The following NUDCD2 variants were observed in gnomAD, a reference collection of about 807,000 sequenced individuals.
The protein encoded by NUDCD2 is nudC domain-containing protein 2.
NUDCD2 carries 16 observed loss-of-function variants against 20.8 expected under a neutral mutation model. That is an observed-to-expected ratio of 0.77 (90% CI 0.52 to 1.17). NUDCD2 has a LOEUF of 1.17. Among genes scored for constraint, NUDCD2 ranks in the 50% most tolerant of loss-of-function variants. NUDCD2 has a pLI of 0.00. For synonymous variants in NUDCD2, 87 were observed against 72.8 expected, an observed-to-expected ratio of 1.20 and a Z score of -1.00; for missense variants, 199 against 193.9, an observed-to-expected ratio of 1.03 and a Z score of -0.16.
At position 163,448,023 on chromosome 5, in the gene NUDCD2, TG is replaced by T. The variant is rs1758082347; in HGVS notation, c.*5943del. On this transcript the variant is annotated 3_prime_UTR_variant, in exon 4 of 4. Coordinates refer to ENST00000302764, the MANE Select transcript of NUDCD2 (RefSeq NM_145266.6). ...GAAAGTAGGAAAATCTAACTGGGTG[TG>T]GTGGCACACCACTATAGTCCCAGCC... The T allele has an allele frequency of 6.6e-6, 1 of 151,918 alleles. No individual in the cohort carries two copies. The highest frequency in any genetic ancestry group is 1.5e-5 in the Non-Finnish European group (1 of 67,980). 9.4% of individuals were successfully genotyped at this position (151,918 alleles called of 1,614,324 possible). A position where few individuals can be genotyped will look rare whatever the true frequency, so the allele number is the denominator to read the frequency against.
At position 163,449,866 on chromosome 5, in the gene NUDCD2, AT is replaced by A. The variant is rs1342524149; in HGVS notation, c.*4100del. 1.3e-5 allele frequency: 2 copies of A among 152,222 alleles called. No homozygotes were observed. The highest frequency in any genetic ancestry group is 4.8e-5 in the African/African-American group (2 of 41,454). 9.4% of individuals were successfully genotyped at this position (152,222 alleles called of 1,614,324 possible). On this transcript the variant is annotated 3_prime_UTR_variant, in exon 4 of 4. Coordinates refer to ENST00000302764, the MANE Select transcript of NUDCD2 (RefSeq NM_145266.6). ...CAACTGAACATCCATATGCAAAAAA[AT>A]AAACCTACCTAAATTTCACAGCTTA...
At position 163,450,960 on chromosome 5, in the gene NUDCD2, T is replaced by C. The variant is rs1758162194; in HGVS notation, c.*3007A>G. On this transcript the variant is annotated 3_prime_UTR_variant, in exon 4 of 4. Coordinates refer to ENST00000302764, the MANE Select transcript of NUDCD2 (RefSeq NM_145266.6). Reference sequence around the variant, plus strand: ...CCATACAATGAAGTATTTTCAGACATACTAATGAATGTGCTGATACATGCT... The same window carrying C: ...CCATACAATGAAGTATTTTCAGACACACTAATGAATGTGCTGATACATGCT... 1 of 152,192 alleles carries C rather than the reference T, an allele frequency of 6.6e-6. No individual in the cohort carries two copies. Among genetic ancestry groups the C allele is most frequent in the African/African-American group, 2.4e-5 (1 of 41,444 alleles). 9.4% of individuals were successfully genotyped at this position (152,192 alleles called of 1,614,324 possible).
At chr5:163,459,748 T>C in intron 1 of NUDCD2, 114 bp downstream of exon 1, 13 of 910,198 alleles carry the variant, frequency 1.4e-5, no homozygotes, top group South Asian at 6.6e-5. Context: ...TGTTATCCTC[T>C]TTCTCTTTCT....
chr5:163,451,313 C>A lies in NUDCD2; in HGVS notation c.*2654G>T, dbSNP rs1364218786. The A allele has an allele frequency of 1.3e-5, 2 of 152,028 alleles. No individual in the cohort carries two copies. Among genetic ancestry groups the A allele is most frequent in the Non-Finnish European group, 2.9e-5 (2 of 68,024 alleles). 9.4% of individuals were successfully genotyped at this position (152,028 alleles called of 1,614,324 possible). ...CGTTTTTCTTAATTATATATGATCC[C>A]ATTTATAACATGCTTGAAGACAAAA... On this transcript the variant is annotated 3_prime_UTR_variant, in exon 4 of 4. Coordinates refer to ENST00000302764, the MANE Select transcript of NUDCD2 (RefSeq NM_145266.6).
rs1272337437 is a variant in NUDCD2 at position 163,450,532 on chromosome 5, A to G, written c.*3435T>C. 6 of 152,240 alleles carry G rather than the reference A, an allele frequency of 3.9e-5. No individual in the cohort carries two copies. Among genetic ancestry groups the G allele is most frequent in the Non-Finnish European group, 8.8e-5 (6 of 68,028 alleles). 9.4% of individuals were successfully genotyped at this position (152,240 alleles called of 1,614,324 possible). ...AAATAATTTGAATAAACACTGCTTT[A>G]AGGAAGATACACAAATAGCCAATAA... On this transcript the variant is annotated 3_prime_UTR_variant, in exon 4 of 4. Transcript: ENST00000302764.
chr5:163,451,453 T>C lies in NUDCD2; in HGVS notation c.*2514A>G, dbSNP rs1425267789. On this transcript the variant is annotated 3_prime_UTR_variant, in exon 4 of 4. Transcript: ENST00000302764. Reference sequence around the variant, plus strand: ...ACGGTGATTGAACTCTTCAATACTCTGACTGTGGAGGTGTTTACACATATC... The same window carrying C: ...ACGGTGATTGAACTCTTCAATACTCCGACTGTGGAGGTGTTTACACATATC... 2 of 152,186 alleles carry C rather than the reference T, an allele frequency of 1.3e-5. No homozygotes were observed. Among genetic ancestry groups the C allele is most frequent in the East Asian group, 3.8e-4 (2 of 5,198 alleles). 9.4% of individuals were successfully genotyped at this position (152,186 alleles called of 1,614,324 possible). A position where few individuals can be genotyped will look rare whatever the true frequency, so the allele number is the denominator to read the frequency against.
chr5:163,458,456 C>G (rs944670841), intron 1 of NUDCD2, among the ~76,000 whole-genome samples: 3 of 152,070 alleles, frequency 2.0e-5, no homozygotes, highest in Non-Finnish European at 2.9e-5. Context: ...CTGCACCAGG[C>G]CCAGTAGCTC....
At position 163,450,168 on chromosome 5, in the gene NUDCD2, C is replaced by A. The variant is rs1758142519; in HGVS notation, c.*3799G>T. On this transcript the variant is annotated 3_prime_UTR_variant, in exon 4 of 4. Coordinates refer to ENST00000302764, the MANE Select transcript of NUDCD2 (RefSeq NM_145266.6). ...CCCAGCTACTTGGGAGACTGAAGCACAAGAATCACTTGAACCCAGCAGGCA... is the reference window on the plus strand; with the variant it reads ...CCCAGCTACTTGGGAGACTGAAGCAAAAGAATCACTTGAACCCAGCAGGCA... 1.3e-5 allele frequency: 2 copies of A among 152,060 alleles called. No homozygotes were observed. The highest frequency in any genetic ancestry group is 6.6e-5 in the Admixed American group (1 of 15,254). 9.4% of individuals were successfully genotyped at this position (152,060 alleles called of 1,614,324 possible).
chr5:163,459,738 T>C lies in NUDCD2; in HGVS notation c.189+124A>G, dbSNP rs995350937. On this transcript the variant is annotated intron_variant, in intron 1 of 3. Transcript: ENST00000302764. ...TCTGACCAGACCCAAACCTGGTCAG[T>C]GTTATCCTCTTTCTCTTTCTGCCAG... is the stretch of plus-strand genomic sequence containing the variant. 6 of 805,526 alleles carry C rather than the reference T, an allele frequency of 7.4e-6. No homozygotes were observed. The Admixed American group carries it at 8.6e-5, about 12-fold the overall frequency. 49.9% of individuals were successfully genotyped at this position (805,526 alleles called of 1,614,324 possible).
rs1341301936 is a variant in NUDCD2 at position 163,451,069 on chromosome 5, A to C, written c.*2898T>G. On this transcript the variant is annotated 3_prime_UTR_variant, in exon 4 of 4. Transcript: ENST00000302764. ...ACGTATTATGATTCCATGTACATGA[A>C]ATGTCCAGAATAAGGAAATCTATGA... is the stretch of plus-strand genomic sequence containing the variant. 1.3e-5 allele frequency: 2 copies of C among 152,226 alleles called. No individual in the cohort carries two copies. Among genetic ancestry groups the C allele is most frequent in the Non-Finnish European group, 2.9e-5 (2 of 68,038 alleles). 9.4% of individuals were successfully genotyped at this position (152,226 alleles called of 1,614,324 possible).
In NUDCD2 at chr5:163,449,831, G is replaced by A. The variant is rs889881491; in HGVS notation, c.*4136C>T. The stretch of plus-strand genomic sequence containing the variant: ...GGGAATGGAGAGTTTTTCAACAGAC[G>A]ATTTTAAAACAACTGAACATCCATA... On this transcript the variant is annotated 3_prime_UTR_variant, in exon 4 of 4. Coordinates refer to ENST00000302764, the MANE Select transcript of NUDCD2 (RefSeq NM_145266.6). The A allele has an allele frequency of 2.0e-5, 3 of 152,094 alleles. No homozygotes were observed. Among genetic ancestry groups the A allele is most frequent in the Non-Finnish European group, 4.4e-5 (3 of 68,026 alleles). 9.4% of individuals were successfully genotyped at this position (152,094 alleles called of 1,614,324 possible). A position where few individuals can be genotyped will look rare whatever the true frequency, so the allele number is the denominator to read the frequency against.
chr5:163,457,095 C>A lies in NUDCD2; in HGVS notation c.239-15G>T. The A allele has an allele frequency of 1.3e-6, 2 of 1,561,408 alleles. No homozygotes were observed. Among genetic ancestry groups the A allele is most frequent in the Non-Finnish European group, 8.6e-7 (1 of 1,156,812 alleles). On this transcript the variant is annotated splice_polypyrimidine_tract_variant and intron_variant, in intron 2 of 3. Transcript: ENST00000302764. ...TTTTCTGTCCTCTAAAAAAAAAACACACACACACACACGCACAAATAAATT... is the reference window on the plus strand; with the variant it reads ...TTTTCTGTCCTCTAAAAAAAAAACAAACACACACACACGCACAAATAAATT...
rs780795248 is a variant in NUDCD2 at position 163,450,718 on chromosome 5, A to T, written c.*3249T>A. On this transcript the variant is annotated 3_prime_UTR_variant, in exon 4 of 4. Transcript: ENST00000302764. ...GGAACCTGCATACACTGCTGGTGGG[A>T]AAGTAAAAAGATGTAGCTGCTTTGG... 1 of 152,226 alleles carries T rather than the reference A, an allele frequency of 6.6e-6. No individual in the cohort carries two copies. The highest frequency in any genetic ancestry group is 2.4e-5 in the African/African-American group (1 of 41,446). The allele number at this position is 152,226 out of a possible 1,614,324, so 9.4% of individuals were successfully genotyped here.
intron 2 of NUDCD2, 57 bp from the exon 3 acceptor site, chr5:163,457,137 TTG>T: frequency 1.4e-6 from 2 of 1,470,646 alleles, no homozygotes; most frequent in South Asian, 1.3e-5. Flanking sequence ...CTTCATCAAG[TTG>T]TTTTTTTTTT....
chr5:163,455,104 G>A (rs1201760440), intron 3 of NUDCD2, among the ~76,000 whole-genome samples: 1 of 151,478 alleles, frequency 6.6e-6, no homozygotes, highest in Non-Finnish European at 1.5e-5. Flanking sequence ...GCTGTAGTTT[G>A]CCAACCGCTG....
At chr5:163,456,530 T>TA (rs1206434144) in intron 3 of NUDCD2, among the ~76,000 whole-genome samples, 39 of 152,084 alleles carry the variant, frequency 2.6e-4, no homozygotes, top group African/African-American at 6.7e-4. Context: ...CCATTTATGC[T>TA]AAAAAACAAA....
chr5:163,452,774 G>GT lies in NUDCD2; in HGVS notation c.*1192dup, dbSNP rs1284512383. 6.6e-6 allele frequency: 1 copy of GT among 152,108 alleles called. No individual in the cohort carries two copies. Among genetic ancestry groups the GT allele is most frequent in the Admixed American group, 6.5e-5 (1 of 15,270 alleles). The allele number at this position is 152,108 out of a possible 1,614,324, so 9.4% of individuals were successfully genotyped here. A position where few individuals can be genotyped will look rare whatever the true frequency, so the allele number is the denominator to read the frequency against. ...TGAATAACCTCAATCTAATCATGAA[G>GT]TATCAGACAGAACTCAAAATAAGGG... On this transcript the variant is annotated 3_prime_UTR_variant, in exon 4 of 4. Coordinates refer to ENST00000302764, the MANE Select transcript of NUDCD2 (RefSeq NM_145266.6).
At position 163,459,964 on chromosome 5, in the gene NUDCD2, G is replaced by A. The variant is rs988820400; in HGVS notation, c.87C>T (p.Phe29=). Reference sequence around the variant, plus strand: ...TGCCTGGCGGCACCTGAACTTCAATGAACACCTCCTCCAAGGTCTGGTACC... The same window carrying A: ...TGCCTGGCGGCACCTGAACTTCAATAAACACCTCCTCCAAGGTCTGGTACC... ...GQWYQTLEEV[F]IEVQVPPGTR... Residue 29 remains phenylalanine (F), a synonymous_variant, in exon 1 of 4, where the codon TTC becomes TTT. Coordinates refer to ENST00000302764, the MANE Select transcript of NUDCD2 (RefSeq NM_145266.6). 6 of 1,613,512 alleles carry A rather than the reference G, an allele frequency of 3.7e-6. No individual in the cohort carries two copies. The highest frequency in any genetic ancestry group is 2.2e-5 in the East Asian group (1 of 44,816).
intron 3 of NUDCD2, among the ~76,000 whole-genome samples, chr5:163,455,298 T>C (rs559879805): frequency 2.0e-5 from 3 of 152,342 alleles, no homozygotes; most frequent in African/African-American, 4.8e-5. Flanking sequence ...TGGGCTGACA[T>C]GTTCTTTAAG....
Sources: gnomAD v4.1 joint callset for allele counts (sites outside exome capture counted in the v4.1 genomes callset) on GRCh38, gnomAD v4.1.1 for gene constraint, MANE v1.5 for transcripts, NCBI Gene and HGNC (gene_info 2026-07-23, HGNC 2026-07-21) for gene names.